Variants in TMEM72 observed in about 807,000 individuals in gnomAD.
TMEM72 encodes kidney-specific secretory protein of 37 kDa.
In TMEM72, 9 loss-of-function variants were observed where a neutral mutation model predicts 16.3. The observed-to-expected ratio is 0.55, with a 90% CI of 0.33 to 0.96. TMEM72 has a LOEUF of 0.96. TMEM72 is among the 40% of genes least tolerant of loss of function. The probability of loss-of-function intolerance (pLI) is 0.03; values close to 1 mark genes in which losing one functional copy is unlikely to be tolerated. For missense variants in TMEM72, 324 were observed against 337.8 expected (o/e 0.96, Z 0.32); for synonymous variants, 160 against 146.5 (o/e 1.09, Z -0.66).
intron 2 of TMEM72, 146 bp from the exon 3 acceptor site, chr10:44,931,852 A>G: frequency 1.3e-6 from 1 of 784,248 alleles, no homozygotes; most frequent in South Asian, 1.7e-5. Flanking sequence ...TCCTGGAGAC[A>G]GCCCGTGGTG....
At chr10:44,926,930 C>A (rs1365708041) in intron 1 of TMEM72, among the ~76,000 whole-genome samples, 3 of 152,100 alleles carry the variant, frequency 2.0e-5, no homozygotes, top group Non-Finnish European at 4.4e-5. Flanking sequence ...TGGAAGCCCA[C>A]ACAATGTCTC....
rs1353732724 is a variant in TMEM72 at position 44,934,813 on chromosome 10, C to T, written c.507C>T (p.Tyr169=). The change falls in exon 5 of 5, where the codon TAC becomes TAT. Residue 169 remains tyrosine, a synonymous_variant. Transcript: ENST00000389583. ...TTGSGDTEQT[Y]TFHGALKEGP... ...GCTCTGGGGACACAGAGCAAACCTA[C>T]ACTTTCCATGGGGCCCTCAAGGAGG... 2 of 1,613,570 alleles carry T rather than the reference C, an allele frequency of 1.2e-6. No individual in the cohort carries two copies. Among genetic ancestry groups the T allele is most frequent in the Non-Finnish European group, 8.5e-7 (1 of 1,180,014 alleles).
chr10:44,925,010 C>G (rs1840163025), intron 1 of TMEM72, among the ~76,000 whole-genome samples: 1 of 152,200 alleles, frequency 6.6e-6, no homozygotes, highest in Non-Finnish European at 1.5e-5. Context: ...GGCACTAAGC[C>G]GTGCATTTCA....
At position 44,934,675 on chromosome 10, in the gene TMEM72, C is replaced by T. The variant is rs745836999; in HGVS notation, c.369C>T (p.Thr123=). The part of the protein sequence containing the change: ...VTIPGSMLII[T]GLAYFLLSKR... ...TTCCAGGCTCCATGCTCATCATCACCGGCCTGGCCTACTTCCTTCTGAGCA... is the reference window on the plus strand; with the variant it reads ...TTCCAGGCTCCATGCTCATCATCACTGGCCTGGCCTACTTCCTTCTGAGCA... Residue 123 remains threonine, a synonymous_variant, in exon 5 of 5, where the codon ACC becomes ACT. Transcript: ENST00000389583. 2.2e-5 allele frequency: 35 copies of T among 1,588,086 alleles called. No individual in the cohort carries two copies. The highest frequency in any genetic ancestry group is 4.1e-5 in the African/African-American group (3 of 73,646).
intron 1 of TMEM72, chr10:44,919,874 T>C (rs1468487325): frequency 6.6e-6 from 1 of 152,248 alleles, no homozygotes; most frequent in East Asian, 1.9e-4. Context: ...CTCCCCACCA[T>C]GCTTACTGTT....
intron 3 of TMEM72, among the ~76,000 whole-genome samples, chr10:44,932,493 C>A (rs1840315456): frequency 6.6e-6 from 1 of 152,166 alleles, no homozygotes; most frequent in Non-Finnish European, 1.5e-5. Context: ...AAGTCAGGGG[C>A]AGTATGTCTC....
At chr10:44,915,304 A>G (rs757839432) in intron 1 of TMEM72, among the ~76,000 whole-genome samples, 28 of 152,208 alleles carry the variant, frequency 1.8e-4, no homozygotes, top group Non-Finnish European at 2.4e-4. Context: ...CTCAAATAAT[A>G]CTCAAAGCCC....
chr10:44,932,205 C>T (rs918692971), intron 3 of TMEM72, 136 bp downstream of exon 3: 11 of 1,086,454 alleles, frequency 1.0e-5, no homozygotes, highest in East Asian at 2.6e-5. Flanking sequence ...CACCGAGGTA[C>T]AATCAGCCTG....
At chr10:44,922,949 T>C (rs1840125443) in intron 1 of TMEM72, 1 of 152,276 alleles carries the variant, frequency 6.6e-6, no homozygotes, top group Non-Finnish European at 1.5e-5. Context: ...AATTAGCTGC[T>C]TTTCCAGTTA....
intron 1 of TMEM72, among the ~76,000 whole-genome samples, chr10:44,917,745 G>A (rs72778871): frequency 0.062 from 9,377 of 152,256 alleles, 388 homozygotes; most frequent in South Asian, 0.12. Flanking sequence ...GATGTGTGTG[G>A]AATGGACAGA....
At chr10:44,922,415 A>G (rs2132717672) in intron 1 of TMEM72, among the ~76,000 whole-genome samples, 1 of 152,314 alleles carries the variant, frequency 6.6e-6, no homozygotes, top group East Asian at 1.9e-4. Flanking sequence ...AACTTTTGGG[A>G]AACTCCAGGC....
intron 3 of TMEM72, 127 bp downstream of exon 3, chr10:44,932,196 A>C: frequency 8.8e-7 from 1 of 1,140,642 alleles, no homozygotes. Flanking sequence ...GGAGCCCCCC[A>C]CCGAGGTACA....
At chr10:44,931,052 G>A (rs1335405017) in intron 2 of TMEM72, among the ~76,000 whole-genome samples, 1 of 152,170 alleles carries the variant, frequency 6.6e-6, no homozygotes, top group African/African-American at 2.4e-5. Flanking sequence ...AATTAGACAG[G>A]GAACGCCCTC....
chr10:44,928,008 C>T, intron 2 of TMEM72, 21 bp downstream of exon 2: 1 of 1,612,022 alleles, frequency 6.2e-7, no homozygotes, highest in South Asian at 1.1e-5. Context: ...GTGCATGTGC[C>T]ACTTTTGACC....
intron 2 of TMEM72, among the ~76,000 whole-genome samples, chr10:44,928,665 T>C (rs1355206205): frequency 6.6e-6 from 1 of 151,856 alleles, no homozygotes; most frequent in East Asian, 1.9e-4. Context: ...CACCCAACCA[T>C]CCATCCATCC....
At chr10:44,918,926 A>G (rs1401955947) in intron 1 of TMEM72, among the ~76,000 whole-genome samples, 1 of 151,520 alleles carries the variant, frequency 6.6e-6, no homozygotes, top group African/African-American at 2.4e-5. Context: ...CAGCATCTTG[A>G]TCTTGCATTT....
chr10:44,932,480 G>T (rs1295843883), intron 3 of TMEM72, among the ~76,000 whole-genome samples: 1 of 152,186 alleles, frequency 6.6e-6, no homozygotes, highest in African/African-American at 2.4e-5. Flanking sequence ...AGGGCCCGGG[G>T]GCAAGTCAGG....
intron 1 of TMEM72, 103 bp from the exon 2 acceptor site, chr10:44,927,818 G>A: frequency 8.5e-7 from 1 of 1,170,746 alleles, no homozygotes; most frequent in South Asian, 1.3e-5. Context: ...TTGGCTGTCA[G>A]TCCCCAGGAA....
chr10:44,916,101 AGGTCC>A (rs755512168), intron 1 of TMEM72, among the ~76,000 whole-genome samples: 2 of 152,190 alleles, frequency 1.3e-5, no homozygotes, highest in African/African-American at 2.4e-5. Flanking sequence ...CAGGAGACAG[AGGTCC>A]GGTGTTAGAA....
Sources: allele counts gnomAD v4.1 joint callset (sites outside exome capture counted in the v4.1 genomes callset), GRCh38; gene constraint gnomAD v4.1.1; transcripts MANE v1.5; gene names NCBI Gene and HGNC (gene_info 2026-07-23, HGNC 2026-07-21).